CRISPLD2: variants seen among roughly 807,000 people sequenced by gnomAD.
The protein encoded by CRISPLD2 is cysteine-rich secretory protein LCCL domain-containing 2.
In CRISPLD2, 47 loss-of-function variants were observed where a neutral mutation model predicts 71.1. That is an observed-to-expected ratio of 0.66 (90% confidence interval 0.52 to 0.84). The LOEUF (loss-of-function observed/expected upper bound fraction) is 0.84. Among genes scored for constraint, CRISPLD2 ranks in the 40% least tolerant of loss-of-function variants. The pLI is 0.00. For synonymous variants in CRISPLD2, 317 were observed against 250.1 expected, an observed-to-expected ratio of 1.27 and a Z score of -2.52; for missense variants, 830 against 651.1, an observed-to-expected ratio of 1.27 and a Z score of -2.99.
chr16:84,885,271 G>A (rs994518380), intron 13 of CRISPLD2, among the ~76,000 whole-genome samples: 1 of 152,226 alleles, frequency 6.6e-6, no homozygotes, highest in African/African-American at 2.4e-5. Flanking sequence ...CCCCGCTCAC[G>A]GCGATTTTAG....
rs568080742 is a variant in CRISPLD2, at chr16:84,848,327, G to A, written c.360-1058G>A. Among the ~76,000 whole-genome samples the A allele has an allele frequency of 2.4e-3, 364 of 152,268 alleles. 5 individuals are homozygous for A. The highest frequency in any genetic ancestry group is 9.2e-4 in the Admixed American group (14 of 15,290). On this transcript the variant is annotated intron_variant, in intron 3 of 14. Transcript: ENST00000262424. ...TTGTTACAAGACCTCTAACTGCCTC[G>A]ACGACCACATGGCCCTTAAAAATGG...
intron 1 of CRISPLD2, among the ~76,000 whole-genome samples, chr16:84,833,008 C>T (rs1197494166): frequency 1.3e-5 from 2 of 152,210 alleles, no homozygotes; most frequent in Admixed American, 6.5e-5. Flanking sequence ...TGCAAACAAG[C>T]TGTGTTGAAA....
intron 13 of CRISPLD2, among the ~76,000 whole-genome samples, chr16:84,881,484 T>A (rs897516595): frequency 5.9e-5 from 9 of 152,236 alleles, no homozygotes; most frequent in African/African-American, 2.2e-4. Context: ...AATGTGACTG[T>A]GGTCCCACTT....
At chr16:84,881,812 C>G (rs1156293273) in intron 13 of CRISPLD2, among the ~76,000 whole-genome samples, 29 of 151,974 alleles carry the variant, frequency 1.9e-4, no homozygotes, top group Non-Finnish European at 8.8e-5. Context: ...TGTCATCATC[C>G]CCTCCTTTAC....
chr16:84,888,739 A>G (rs749600436), intron 13 of CRISPLD2, among the ~76,000 whole-genome samples: 14 of 152,290 alleles, frequency 9.2e-5, no homozygotes, highest in African/African-American at 2.2e-4. Flanking sequence ...TCTGCCTGGG[A>G]TGCTCTGTGC....
rs765424522 is a variant in CRISPLD2 at position 84,849,389 on chromosome 16, C to T, written c.364C>T (p.Arg122Cys). The change falls in exon 4 of 15, where the codon CGC becomes TGC. Residue 122 changes from arginine to cysteine, a missense_variant. Arg to Cys is a radical substitution (Grantham distance 180). Coordinates refer to ENST00000262424, the MANE Select transcript of CRISPLD2 (RefSeq NM_031476.4). ...QNLGAHWGRY[R>C]SPGFHVQSWY... ...TGAGCGGTTTCTGCCCTGCAGGTAT[C>T]GCTCTCCGGGGTTCCATGTGCAGTC... 8 of 1,612,284 alleles carry T rather than the reference C, an allele frequency of 5.0e-6. No individual in the cohort carries two copies. The highest frequency in any genetic ancestry group is 2.2e-5 in the East Asian group (1 of 44,840).
intron 1 of CRISPLD2, among the ~76,000 whole-genome samples, chr16:84,838,009 G>A (rs184583094): frequency 2.0e-5 from 3 of 152,340 alleles, no homozygotes; most frequent in Admixed American, 2.0e-4. Flanking sequence ...TGCTCTCAAC[G>A]TTGGTCCACG....
chr16:84,838,970 C>A (rs774777039), intron 2 of CRISPLD2: 1 of 668,310 alleles, frequency 1.5e-6, no homozygotes, highest in African/African-American at 1.8e-5. Flanking sequence ...TGCCCTGAAA[C>A]CTTAGACTCC....
intron 3 of CRISPLD2, 52 bp downstream of exon 3, chr16:84,845,956 C>A: frequency 8.3e-7 from 1 of 1,198,910 alleles, no homozygotes; most frequent in African/African-American, 1.5e-5. Flanking sequence ...CTGCCGTGTG[C>A]CGGGCTCAGC....
intron 2 of CRISPLD2, among the ~76,000 whole-genome samples, chr16:84,843,921 G>A (rs1423709071): frequency 6.6e-6 from 1 of 152,198 alleles, no homozygotes; most frequent in Non-Finnish European, 1.5e-5. Context: ...GGGGAGAGAG[G>A]GAAGTGAGGC....
intron 1 of CRISPLD2, among the ~76,000 whole-genome samples, chr16:84,832,830 C>T (rs985428839): frequency 6.6e-6 from 1 of 152,252 alleles, no homozygotes; most frequent in African/African-American, 2.4e-5. Flanking sequence ...CAATGAGCTT[C>T]AGCCCAGCTC....
At chr16:84,867,931 C>A (rs1274034147) in intron 7 of CRISPLD2, among the ~76,000 whole-genome samples, 1 of 152,220 alleles carries the variant, frequency 6.6e-6, no homozygotes, top group Non-Finnish European at 1.5e-5. Context: ...GCCACTGCTG[C>A]GGGAACTCAT....
chr16:84,879,657 T>C (rs184246890), intron 12 of CRISPLD2, among the ~76,000 whole-genome samples: 3,190 of 152,082 alleles, frequency 0.021, 110 homozygotes, highest in African/African-American at 0.074. Flanking sequence ...CCACTGCACC[T>C]GGCCTTCTTT....
At chr16:84,885,403 G>T (rs1471837704) in intron 13 of CRISPLD2, among the ~76,000 whole-genome samples, 1 of 152,208 alleles carries the variant, frequency 6.6e-6, no homozygotes, top group Non-Finnish European at 1.5e-5. Flanking sequence ...AGAAGTTGTG[G>T]ATCTTTCCTC....
At chr16:84,880,445 G>C in intron 12 of CRISPLD2, 64 bp from the exon 13 acceptor site, 1 of 1,283,384 alleles carries the variant, frequency 7.8e-7, no homozygotes, top group Non-Finnish European at 1.1e-6. Flanking sequence ...AATAAAGAGA[G>C]CCAGCTTAAG....
At chr16:84,895,010 G>T (rs1373691700) in intron 14 of CRISPLD2, among the ~76,000 whole-genome samples, 4 of 152,308 alleles carry the variant, frequency 2.6e-5, no homozygotes, top group Admixed American at 2.0e-4. Context: ...CCCGAGGCTG[G>T]GACATGAGGT....
chr16:84,873,306 C>T (rs756687364), intron 10 of CRISPLD2, 184 bp downstream of exon 10: 5 of 517,256 alleles, frequency 9.7e-6, no homozygotes, highest in Non-Finnish European at 1.6e-5. Context: ...GGTGAAAGTC[C>T]GTCTCTACTA....
intron 1 of CRISPLD2, among the ~76,000 whole-genome samples, chr16:84,837,565 T>C (rs2087991): frequency 0.93 from 139,720 of 151,002 alleles, 64,251 homozygotes; most frequent in East Asian, 0.99. Context: ...TACAGGCGCG[T>C]GACACCACGC....
chr16:84,871,713 G>A (rs1026398993), intron 8 of CRISPLD2, among the ~76,000 whole-genome samples: 5 of 151,842 alleles, frequency 3.3e-5, no homozygotes, highest in African/African-American at 7.3e-5. Flanking sequence ...CACCACACGC[G>A]GCTAATTTTT....
Sources: gnomAD v4.1 joint callset for allele counts (sites outside exome capture counted in the v4.1 genomes callset) on GRCh38, gnomAD v4.1.1 for gene constraint, MANE v1.5 for transcripts, NCBI Gene and HGNC (gene_info 2026-07-23, HGNC 2026-07-21) for gene names.